MAGEC3: variants seen among roughly 807,000 people sequenced by gnomAD.
The protein encoded by MAGEC3 is melanoma-associated antigen C3.
In MAGEC3, 34 loss-of-function variants were observed where a neutral mutation model predicts 35.3. The ratio of observed to expected loss-of-function variants is 0.96; its 90% CI spans 0.73 to 1.28. The LOEUF is 1.28. Among genes scored for constraint, MAGEC3 ranks in the 50% most tolerant of loss-of-function variants. The pLI, the probability that MAGEC3 is intolerant of heterozygous loss-of-function variation, is 0.00. For missense variants in MAGEC3, 561 were observed against 483.6 expected, an observed-to-expected ratio of 1.16 and a Z score of -1.50; for synonymous variants, 202 against 185.6, an observed-to-expected ratio of 1.09 and a Z score of -0.72.
chrX:141,879,560 A>T, intron 3 of MAGEC3, 129 bp downstream of exon 3: 1 of 775,039 alleles, frequency 1.3e-6, no homozygotes, highest in Non-Finnish European at 1.8e-6. Flanking sequence ...GGCCCAGGAG[A>T]TGGGCAGGAA....
At chrX:141,849,600 C>T (rs1459530905) in intron 1 of MAGEC3, among the ~76,000 whole-genome samples, 1 of 111,100 alleles carries the variant, frequency 9.0e-6, no homozygotes, top group Admixed American at 9.6e-5. Flanking sequence ...AGACACTTCT[C>T]CAAAGGAGAC....
At chrX:141,849,406 G>A (rs2017736882) in intron 1 of MAGEC3, among the ~76,000 whole-genome samples, 1 of 110,947 alleles carries the variant, frequency 9.0e-6, no homozygotes, top group Admixed American at 9.6e-5. Context: ...AAAAGCAACA[G>A]CAATAAAATC....
chrX:141,844,877 A>AT (rs1450838861), intron 1 of MAGEC3, among the ~76,000 whole-genome samples: 4 of 110,378 alleles, frequency 3.6e-5, no homozygotes, highest in East Asian at 2.8e-4. Context: ...GTAATTGAAC[A>AT]TTTTTTTTCT....
intron 4 of MAGEC3, among the ~76,000 whole-genome samples, chrX:141,893,360 C>T (rs1444731300): frequency 9.0e-6 from 1 of 111,328 alleles, no homozygotes; most frequent in Non-Finnish European, 1.9e-5. Context: ...ATTATGAATA[C>T]ACTAAAAATA....
intron 2 of MAGEC3, among the ~76,000 whole-genome samples, chrX:141,872,891 A>G (rs1004909225): frequency 8.9e-6 from 1 of 111,772 alleles, no homozygotes; most frequent in Non-Finnish European, 1.9e-5. Context: ...GAGAGAAAAG[A>G]TGGGGTGGGT....
At chrX:141,886,832 T>G (rs1303748531) in intron 4 of MAGEC3, among the ~76,000 whole-genome samples, 1 of 111,635 alleles carries the variant, frequency 9.0e-6, no homozygotes, top group Non-Finnish European at 1.9e-5. Flanking sequence ...TGGAAGATAT[T>G]AGAGCTGCCT....
In MAGEC3 at chrX:141,867,771, C is replaced by T. The variant is rs973924435; in HGVS notation, c.258+2166C>T. ...AATAGTAGAGTGAGTAAAGCAATTC[C>T]TGCAAGGGTTGCATAGTAAATAATT... On this transcript the variant is annotated intron_variant, in intron 2 of 7. Transcript: ENST00000298296. Among the ~76,000 whole-genome samples, 3 of 111,816 alleles carry T rather than the reference C, an allele frequency of 2.7e-5. No individual in the cohort carries two copies. In the Admixed American group the frequency reaches 2.8e-4, roughly 11 times the overall value.
rs2018107525 is a variant in MAGEC3 at position 141,897,223 on chromosome X, A to G, written c.1465A>G (p.Lys489Glu). 8.3e-7 allele frequency: 1 copy of G among 1,210,381 alleles called. No individual in the cohort carries two copies. Among genetic ancestry groups the G allele is most frequent in the Non-Finnish European group, 1.1e-6 (1 of 895,288 alleles). The change falls in exon 7 of 8, where the codon AAG (lysine) becomes GAG (glutamate). Residue 489 changes from lysine to glutamate, a missense_variant. Physicochemically the swap from Lys to Glu is moderately conservative, Grantham distance 56. Coordinates refer to ENST00000298296, the MANE Select transcript of MAGEC3 (RefSeq NM_138702.1). ...KAEMLTTVIK[K>E]YKDYFPMIFG... ...AGAGATGCTGACGACTGTCATCAAGAAGTATAAGGACTATTTTCCCATGAT... is the reference window on the plus strand; with the variant it reads ...AGAGATGCTGACGACTGTCATCAAGGAGTATAAGGACTATTTTCCCATGAT...
At chrX:141,882,446 CTT>C (rs1326198686) in intron 4 of MAGEC3, among the ~76,000 whole-genome samples, 3 of 111,432 alleles carry the variant, frequency 2.7e-5, no homozygotes, top group Non-Finnish European at 5.6e-5. Flanking sequence ...AAGCTTGTCT[CTT>C]ATTTTGTGAT....
chrX:141,855,495 A>G (rs2017775043), intron 1 of MAGEC3, among the ~76,000 whole-genome samples: 1 of 109,068 alleles, frequency 9.2e-6, no homozygotes, highest in African/African-American at 3.3e-5. Flanking sequence ...TATCTTTCAC[A>G]GCTATAATCT....
At chrX:141,844,248 A>T (rs1442894973) in intron 1 of MAGEC3, among the ~76,000 whole-genome samples, 1 of 111,038 alleles carries the variant, frequency 9.0e-6, no homozygotes, top group East Asian at 2.8e-4. Context: ...CAAATTTTCA[A>T]ACTTTCTATT....
At chrX:141,896,688 T>C (rs886335044) in intron 6 of MAGEC3, 194 bp from the exon 7 acceptor site, 1 of 1,211,582 alleles carries the variant, frequency 8.3e-7, no homozygotes, top group African/African-American at 1.7e-5. Flanking sequence ...GCCTCAGCTT[T>C]GAGGAAGACT....
chrX:141,880,782 G>C (rs2017956921), intron 3 of MAGEC3: 3 of 978,924 alleles, frequency 3.1e-6, no homozygotes, highest in Admixed American at 2.3e-5. Context: ...AACCCCCTAG[G>C]ATGGCAGGTG....
At chrX:141,846,712 C>T (rs1367376050) in intron 1 of MAGEC3, among the ~76,000 whole-genome samples, 3 of 111,138 alleles carry the variant, frequency 2.7e-5, no homozygotes, top group African/African-American at 6.5e-5. Flanking sequence ...TCTTCATTAC[C>T]TAGAAGAGTA....
chrX:141,865,438 C>G lies in MAGEC3; in HGVS notation c.124-33C>G, dbSNP rs779392846. ...CCATCACAGGTAGAGGTTGCCCCAG[C>G]CTAGTCCTGCCCCTGATATTTGACC... On this transcript the variant is annotated intron_variant, in intron 1 of 7. Coordinates refer to ENST00000298296, the MANE Select transcript of MAGEC3 (RefSeq NM_138702.1). 3 of 1,185,409 alleles carry G rather than the reference C, an allele frequency of 2.5e-6. No homozygotes were observed. The African/African-American group carries it at 5.3e-5, about 21-fold the overall frequency.
At chrX:141,864,497 G>A (rs1269023917) in intron 1 of MAGEC3, among the ~76,000 whole-genome samples, 1 of 110,734 alleles carries the variant, frequency 9.0e-6, no homozygotes, top group Non-Finnish European at 1.9e-5. Context: ...GGCTGTAGGC[G>A]ATTATCCTTA....
chrX:141,878,151 G>A lies in MAGEC3; in HGVS notation c.259-1024G>A, dbSNP rs1166078840. Among the ~76,000 whole-genome samples the A allele has an allele frequency of 1.4e-4, 16 of 110,760 alleles. No homozygotes were observed. The Admixed American group carries it at 1.5e-3, about 11-fold the overall frequency. On this transcript the variant is annotated intron_variant, in intron 2 of 7. Coordinates refer to ENST00000298296, the MANE Select transcript of MAGEC3 (RefSeq NM_138702.1). ...ACAGTTTCGTATGGTTAGGTATTTT[G>A]TAAAATTGACTTTGACTGGGATTTA...
chrX:141,886,394 CT>C (rs2018002957), intron 4 of MAGEC3, among the ~76,000 whole-genome samples: 1 of 111,162 alleles, frequency 9.0e-6, no homozygotes, highest in Non-Finnish European at 1.9e-5. Flanking sequence ...CTCCACTACA[CT>C]ATCAACAATT....
At chrX:141,870,338 C>T (rs906649736) in intron 2 of MAGEC3, among the ~76,000 whole-genome samples, 4 of 111,193 alleles carry the variant, frequency 3.6e-5, no homozygotes, top group East Asian at 2.8e-4. Context: ...CCATGAAGTG[C>T]GATTTTTATA....
Sources: gnomAD v4.1 joint callset for allele counts (sites outside exome capture counted in the v4.1 genomes callset) on GRCh38, gnomAD v4.1.1 for gene constraint, MANE v1.5 for transcripts, NCBI Gene and HGNC (gene_info 2026-07-23, HGNC 2026-07-21) for gene names.